Variants in HIVEP3 observed in about 807,000 individuals in gnomAD.
The protein encoded by HIVEP3 is HIVEP zinc finger 3, also known as transcription factor HIVEP3.
In HIVEP3, 49 loss-of-function variants were observed where a neutral mutation model predicts 152.8. The observed-to-expected ratio is 0.32, with a 90% CI of 0.26 to 0.41. The LOEUF is 0.41. Among genes scored for constraint, HIVEP3 ranks in the 10% least tolerant of loss-of-function variants. The pLI is 1.00. For synonymous variants in HIVEP3, 1,269 were observed against 1,289.0 expected (o/e 0.98, Z 0.33); for missense variants, 2,790 against 3,103.3 (o/e 0.90, Z 2.40).
At chr1:41,914,804 C>A (rs1362774521) in intron 1 of HIVEP3, among the ~76,000 whole-genome samples, 1 of 152,218 alleles carries the variant, frequency 6.6e-6, no homozygotes, top group Non-Finnish European at 1.5e-5. Flanking sequence ...GTCTACCTCT[C>A]CTGCTCCATC....
rs776573181 is a variant in HIVEP3, at chr1:41,937,408, G to C, written n.120-18884C>G. Among the ~76,000 whole-genome samples, 31 of 152,242 alleles carry C rather than the reference G, an allele frequency of 2.0e-4. 1 individual carries two copies. Among genetic ancestry groups the C allele is most frequent in the African/African-American group, 7.5e-4 (31 of 41,546 alleles). On this transcript the variant is annotated intron_variant and non_coding_transcript_variant, in intron 1 of 3. Transcript: ENST00000489103. The stretch of plus-strand genomic sequence containing the variant: ...AAAGAAACTTTTGCTCAGACTTCTA[G>C]GAAGACAATCTAGGTACTTATCAAA...
chr1:41,858,549 C>G (rs758193775), intron 1 of HIVEP3, among the ~76,000 whole-genome samples: 148 of 152,316 alleles, frequency 9.7e-4, no homozygotes, highest in Middle Eastern at 6.8e-3. Context: ...ATGTGCTCAT[C>G]ATCCCTCATT....
chr1:41,854,098 A>C (rs947826763), intron 1 of HIVEP3, among the ~76,000 whole-genome samples: 1 of 152,244 alleles, frequency 6.6e-6, no homozygotes, highest in East Asian at 1.9e-4. Flanking sequence ...GGATGGAGGC[A>C]GATCGGCTTT....
chr1:41,527,068 A>ACACCC, intron 5 of HIVEP3, among the ~76,000 whole-genome samples: 1 of 79,054 alleles, frequency 1.3e-5, no homozygotes, highest in Non-Finnish European at 2.5e-5. Flanking sequence ...ACACCCTCAC[A>ACACCC]TGCTCATCCT....
chr1:41,733,213 T>C (rs961999759), intron 1 of HIVEP3, among the ~76,000 whole-genome samples: 87 of 151,796 alleles, frequency 5.7e-4, no homozygotes, highest in African/African-American at 2.0e-3. Context: ...TGCTGAGACA[T>C]AGTGACAGAG....
intron 1 of HIVEP3, among the ~76,000 whole-genome samples, chr1:41,759,850 AG>A (rs1406314507): frequency 6.6e-6 from 1 of 152,218 alleles, no homozygotes; most frequent in African/African-American, 2.4e-5. Context: ...AGGACCTCAC[AG>A]GGTGGTCTAA....
At chr1:42,013,714 C>T (rs1645505763) in intron 1 of HIVEP3, among the ~76,000 whole-genome samples, 1 of 152,208 alleles carries the variant, frequency 6.6e-6, no homozygotes, top group Admixed American at 6.5e-5. Flanking sequence ...CAGTCTTCCA[C>T]TTACAAGGAA....
chr1:41,519,997 C>T (rs1407171374), intron 6 of HIVEP3, among the ~76,000 whole-genome samples: 1 of 151,892 alleles, frequency 6.6e-6, no homozygotes, highest in Non-Finnish European at 1.5e-5. Flanking sequence ...AGAGTACAGA[C>T]AGAAGGATGA....
chr1:41,972,384 T>G (rs1224191815), intron 1 of HIVEP3, among the ~76,000 whole-genome samples: 1 of 152,224 alleles, frequency 6.6e-6, no homozygotes, highest in Non-Finnish European at 1.5e-5. Context: ...CCTATAGTGA[T>G]ACAGCACATA....
intron 5 of HIVEP3, among the ~76,000 whole-genome samples, chr1:41,530,985 G>A (rs1332141581): frequency 1.3e-5 from 2 of 152,352 alleles, no homozygotes; most frequent in East Asian, 1.9e-4. Context: ...GAACACGAGG[G>A]AGGAGCCTGG....
Position 41,582,552 on chromosome 1 carries a change from A to G in HIVEP3, c.2246T>C (p.Leu749Pro), listed in dbSNP as rs781422434. The G allele has an allele frequency of 1.2e-6, 2 of 1,611,698 alleles. No homozygotes were observed. The highest frequency in any genetic ancestry group is 3.3e-5 in the Admixed American group (2 of 59,816). Residue 749 changes from leucine to proline, a missense_variant, in exon 4 of 9, where the codon CTT becomes CCT. Around this residue, in one of 9 missense-constraint regions of HIVEP3, gnomAD observed 339 missense variants for 327.0 expected, o/e 1.04. Transcript: ENST00000372583. The surrounding 1 kb of genome is among the most constrained non-coding windows in gnomAD (Gnocchi z 4.7). ...SPGPSDAARNLPLESTKSPAE... is the reference protein window; with the variant it reads ...SPGPSDAARNPPLESTKSPAE... ...TGGTGACTTGGTGGACTCCAGGGGA[A>G]GGTTCCGAGCAGCATCAGATGGCCC...
At chr1:41,588,717 G>T (rs925650164) in intron 3 of HIVEP3, among the ~76,000 whole-genome samples, 3 of 152,170 alleles carry the variant, frequency 2.0e-5, no homozygotes, top group Admixed American at 6.5e-5. Flanking sequence ...ACCGTTGGCT[G>T]CCAGGGCGCA....
chr1:41,915,455 T>C (rs1644856805), intron 1 of HIVEP3, among the ~76,000 whole-genome samples: 1 of 152,224 alleles, frequency 6.6e-6, no homozygotes, highest in Non-Finnish European at 1.5e-5. Flanking sequence ...CAGTACAGTA[T>C]CAGTTGCTTC....
chr1:42,005,794 A>G (rs1645455969), intron 1 of HIVEP3, among the ~76,000 whole-genome samples: 1 of 152,206 alleles, frequency 6.6e-6, no homozygotes, highest in African/African-American at 2.4e-5. Flanking sequence ...AAAGCCTTCA[A>G]CCATGTTTAA....
At chr1:41,754,533 G>A (rs1016748745) in intron 1 of HIVEP3, among the ~76,000 whole-genome samples, 5 of 152,224 alleles carry the variant, frequency 3.3e-5, no homozygotes, top group South Asian at 2.1e-4. Flanking sequence ...CCTGCCGTAC[G>A]TGTGGCTGCC....
chr1:41,986,652 G>A (rs1645325278), intron 1 of HIVEP3, among the ~76,000 whole-genome samples: 1 of 152,078 alleles, frequency 6.6e-6, no homozygotes, highest in African/African-American at 2.4e-5. Context: ...GTGTTAGCCA[G>A]GATGGTCTCG....
chr1:41,917,151 C>T (rs11210546), intron 1 of HIVEP3, among the ~76,000 whole-genome samples: 4,046 of 152,206 alleles, frequency 0.027, 193 homozygotes, highest in African/African-American at 0.094. Context: ...ACTGTAGCAC[C>T]CAACTTCTTC....
chr1:41,852,259 C>G (rs910304706), intron 1 of HIVEP3, among the ~76,000 whole-genome samples: 2 of 152,192 alleles, frequency 1.3e-5, no homozygotes, highest in African/African-American at 2.4e-5. Flanking sequence ...CTCCTCAGAG[C>G]CCCGTGGGGC....
chr1:41,641,712 G>T (rs1466778351), intron 2 of HIVEP3, among the ~76,000 whole-genome samples: 1 of 152,218 alleles, frequency 6.6e-6, no homozygotes, highest in Non-Finnish European at 1.5e-5. Flanking sequence ...TGCTTACAGG[G>T]GGTGACAGGA....
Sources: allele counts gnomAD v4.1 joint callset (sites outside exome capture counted in the v4.1 genomes callset), GRCh38; gene constraint gnomAD v4.1.1; regional missense constraint gnomAD v4.1.1; non-coding constraint Gnocchi (gnomAD v3.1); transcripts MANE v1.5; gene names NCBI Gene and HGNC (gene_info 2026-07-23, HGNC 2026-07-21).